The following SMG1 variants were observed in gnomAD, a reference collection of about 807,000 sequenced individuals.
The protein encoded by SMG1 is serine/threonine-protein kinase SMG1.
SMG1 carries 22 observed loss-of-function variants against 419.9 expected under a neutral mutation model. That is an observed-to-expected ratio of 0.05 (90% confidence interval 0.04 to 0.07). The LOEUF is 0.07. Ranked by LOEUF, SMG1 falls within the 10% of genes least tolerant of loss-of-function variation. The pLI, the probability that SMG1 is intolerant of heterozygous loss-of-function variation, is 1.00. For missense variants in SMG1, 3,185 were observed against 4,342.0 expected (o/e 0.73, Z 7.49); for synonymous variants, 1,538 against 1,553.5 (o/e 0.99, Z 0.23).
chr16:18,858,270 G>A lies in SMG1; in HGVS notation c.4134C>T (p.Phe1378=), dbSNP rs780190172. 1.2e-6 allele frequency: 2 copies of A among 1,603,016 alleles called. No homozygotes were observed. The highest frequency in any genetic ancestry group is 1.7e-5 in the Admixed American group (1 of 57,346). The part of the protein sequence containing the change: ...LSTEDCLIPL[F]SEALRSCKQH... ...GTTTACATGAACGTAAAGCTTCACT[G>A]AAGAGTGGAATAAGACAGTCCTGCC... Residue 1378 remains phenylalanine, a synonymous_variant, in exon 29 of 63, where the codon TTC becomes TTT. Transcript: ENST00000446231.
chr16:18,904,049 T>C (rs2037457871), intron 1 of SMG1, among the ~76,000 whole-genome samples: 1 of 148,210 alleles, frequency 6.7e-6, no homozygotes, highest in Admixed American at 6.9e-5. Flanking sequence ...GCCATTCTCC[T>C]GCCTCAGCCT....
At chr16:18,833,190 T>C in intron 50 of SMG1, 24 bp from the exon 51 acceptor site, 2 of 1,581,582 alleles carry the variant, frequency 1.3e-6, no homozygotes, top group African/African-American at 1.4e-5. Flanking sequence ...AGAAAAAAAC[T>C]TTTAATGTTT....
intron 1 of SMG1, among the ~76,000 whole-genome samples, chr16:18,908,223 GCA>G (rs2037648284): frequency 6.6e-6 from 1 of 151,468 alleles, no homozygotes; most frequent in South Asian, 2.1e-4. Flanking sequence ...AAAAAATTAG[GCA>G]GGCGTGGTGG....
chr16:18,835,104 A>G lies in SMG1; in HGVS notation c.8118T>C (p.Thr2706=), dbSNP rs571268099. ...PPTVCQFITA[T]EMTLQRYAAD... is the part of the protein sequence containing the mutation. ...CTGCGTATCGCTGCAGGGTCATTTC[A>G]GTGGCAGTGATGAACTGACACACTG... The change falls in exon 49 of 63, where the codon ACT becomes ACC. Residue 2706 remains threonine (T), a synonymous_variant. Transcript: ENST00000446231. The G allele has an allele frequency of 1.2e-6, 2 of 1,613,972 alleles. No homozygotes were observed.
chr16:18,854,529 C>T (rs960076309), intron 30 of SMG1, 127 bp downstream of exon 30: 20 of 901,734 alleles, frequency 2.2e-5, no homozygotes, highest in South Asian at 1.1e-4. Context: ...ATTCAGGATG[C>T]AAATGTTCTG....
At chr16:18,860,239 G>A (rs1204556546) in intron 26 of SMG1, among the ~76,000 whole-genome samples, 1 of 152,080 alleles carries the variant, frequency 6.6e-6, no homozygotes. Flanking sequence ...AAATCGGTAA[G>A]TCAATCTACT....
In SMG1 at chr16:18,850,284, G is replaced by C. The variant is rs770114201; in HGVS notation, c.5236C>G (p.Leu1746Val). The change falls in exon 34 of 63, where the codon CTC becomes GTC. Residue 1746 changes from leucine (L) to valine (V), a missense_variant. By Grantham distance (32) the Leu-to-Val change is conservative. Transcript: ENST00000446231. ...AAAGTAAAGTATGCACTGCAAGAGA[G>C]TTTGTACAGGCTGAATATTCTATCT... ...VVDRIFSLYK[L>V]SCSAYFTFLK... is the part of the protein sequence containing the mutation. 12 of 1,613,498 alleles carry C rather than the reference G, an allele frequency of 7.4e-6. No individual in the cohort carries two copies. The highest frequency in any genetic ancestry group is 1.7e-5 in the Admixed American group (1 of 59,964).
chr16:18,871,335 T>C lies in SMG1; in HGVS notation c.2302+29A>G, dbSNP rs776043343. ...CCCTTTTAAGGATTGATAAACAAAATAGAAAAAAAAAAAAAAACAGAGTCT... is the reference window on the plus strand; with the variant it reads ...CCCTTTTAAGGATTGATAAACAAAACAGAAAAAAAAAAAAAAACAGAGTCT... On this transcript the variant is annotated intron_variant, in intron 16 of 62. Transcript: ENST00000446231. 4.6e-5 allele frequency: 43 copies of C among 929,736 alleles called. No individual in the cohort carries two copies. In the African/African-American group the frequency reaches 6.7e-4, roughly 15 times the overall value. 57.6% of individuals were successfully genotyped at this position (929,736 alleles called of 1,614,324 possible).
At chr16:18,829,146 A>G in intron 54 of SMG1, 140 bp downstream of exon 54, 1 of 653,472 alleles carries the variant, frequency 1.5e-6, no homozygotes, top group Non-Finnish European at 2.6e-6. Context: ...AAGTGCCAAA[A>G]TGCTATGGTG....
At chr16:18,910,987 A>G (rs1327113533) in intron 1 of SMG1, among the ~76,000 whole-genome samples, 1 of 152,030 alleles carries the variant, frequency 6.6e-6, no homozygotes, top group African/African-American at 2.4e-5. Flanking sequence ...CTTTTAACCT[A>G]CCCTTTCTCT....
At chr16:18,924,852 C>G (rs1448999918) in intron 1 of SMG1, 2 of 152,184 alleles carry the variant, frequency 1.3e-5, no homozygotes, top group African/African-American at 2.4e-5. Flanking sequence ...ATGTTACATT[C>G]TAACATCTTA....
intron 60 of SMG1, among the ~76,000 whole-genome samples, chr16:18,814,343 AT>A (rs1307065599): frequency 2.0e-5 from 3 of 149,796 alleles, no homozygotes; most frequent in South Asian, 2.1e-4. Context: ...ATATATATAT[AT>A]TTTTTTTAGC....
At position 18,876,964 on chromosome 16, in the gene SMG1, T is replaced by C. The variant is rs1171998240; in HGVS notation, c.1620+167A>G. Among the ~76,000 whole-genome samples the C allele has an allele frequency of 2.0e-5, 3 of 152,276 alleles. No homozygotes were observed. The East Asian group carries it at 5.8e-4, about 29-fold the overall frequency. The stretch of plus-strand genomic sequence containing the variant: ...GCACATCATTCATGAAAGTATTCAG[T>C]ATGATTCTCAAGAAATACAAACTTA... On this transcript the variant is annotated intron_variant, in intron 12 of 62. Coordinates refer to ENST00000446231, the MANE Select transcript of SMG1 (RefSeq NM_015092.5).
intron 39 of SMG1, among the ~76,000 whole-genome samples, chr16:18,844,981 T>C (rs2034176206): frequency 6.6e-6 from 1 of 152,236 alleles, no homozygotes; most frequent in Non-Finnish European, 1.5e-5. Flanking sequence ...GTGGAATTGA[T>C]TCCAGAACTA....
chr16:18,899,879 A>G (rs2037278775), intron 1 of SMG1: 2 of 684,450 alleles, frequency 2.9e-6, no homozygotes, highest in Non-Finnish European at 2.6e-6. Context: ...TTCTAAAAAT[A>G]TCATGGAGAG....
chr16:18,817,753 TA>T (rs1376016147), intron 56 of SMG1, among the ~76,000 whole-genome samples: 1 of 152,304 alleles, frequency 6.6e-6, no homozygotes, highest in East Asian at 1.9e-4. Context: ...TACTCCACAA[TA>T]AAGCTGTTAT....
At chr16:18,814,237 A>C (rs2031770634) in intron 60 of SMG1, among the ~76,000 whole-genome samples, 1 of 152,016 alleles carries the variant, frequency 6.6e-6, no homozygotes, top group South Asian at 2.1e-4. Context: ...TATGCACAGC[A>C]AGTAAATCAA....
At chr16:18,855,033 T>C (rs905617587) in intron 29 of SMG1, 129 bp from the exon 30 acceptor site, 2 of 836,098 alleles carry the variant, frequency 2.4e-6, no homozygotes, top group African/African-American at 3.4e-5. Context: ...TAACTCATCC[T>C]CAAATCCCTA....
At chr16:18,829,807 C>A in intron 53 of SMG1, 52 bp from the exon 54 acceptor site, 2 of 1,511,372 alleles carry the variant, frequency 1.3e-6, no homozygotes, top group East Asian at 4.6e-5. Flanking sequence ...AGGTAATATG[C>A]TGCTTATTTA....
Sources: allele counts gnomAD v4.1 joint callset (sites outside exome capture counted in the v4.1 genomes callset), GRCh38; gene constraint gnomAD v4.1.1; transcripts MANE v1.5; gene names NCBI Gene and HGNC (gene_info 2026-07-23, HGNC 2026-07-21).